CAMK2D: variants seen among roughly 807,000 people sequenced by gnomAD.
CAMK2D encodes calcium/calmodulin dependent protein kinase II delta.
A neutral mutation model predicts 84.0 loss-of-function variants in CAMK2D; 37 were observed. The ratio of observed to expected loss-of-function variants is 0.44; its 90% CI spans 0.34 to 0.58. CAMK2D has a LOEUF of 0.58. Among genes scored for constraint, CAMK2D ranks in the 20% least tolerant of loss-of-function variants. The pLI is 0.02. For missense variants in CAMK2D, 448 were observed against 652.5 expected (o/e 0.69, Z 3.41); for synonymous variants, 202 against 212.5 (o/e 0.95, Z 0.43).
At chr4:113,540,593 T>C (rs937179712) in intron 6 of CAMK2D, among the ~76,000 whole-genome samples, 1 of 152,308 alleles carries the variant, frequency 6.6e-6, no homozygotes, top group South Asian at 2.1e-4. Flanking sequence ...AATTAGTTCC[T>C]TAATCTCTCA....
chr4:113,592,536 T>C (rs1179611839), intron 4 of CAMK2D, among the ~76,000 whole-genome samples: 6 of 152,180 alleles, frequency 3.9e-5, no homozygotes, highest in Non-Finnish European at 5.9e-5. Flanking sequence ...TTTGAGAAAA[T>C]TGTGCTTTCA....
At chr4:113,686,163 T>A (rs1285639863) in intron 2 of CAMK2D, among the ~76,000 whole-genome samples, 6 of 152,168 alleles carry the variant, frequency 3.9e-5, no homozygotes, top group Non-Finnish European at 8.8e-5. Flanking sequence ...TATTAAAACT[T>A]AATTTTTATC....
Position 113,519,535 on chromosome 4 carries a change from T to C in CAMK2D, c.602-1878A>G, listed in dbSNP as rs114652092. ...CCCAAAGACTTAAAAAAAAAACATA[T>C]TATAGGTGCTATTGACTAGCCTGAT... On this transcript the variant is annotated intron_variant, in intron 8 of 20. Transcript: ENST00000511664. Among the ~76,000 whole-genome samples, 784 of 151,934 alleles carry C rather than the reference T, an allele frequency of 5.2e-3. 7 individuals are homozygous for C. Among genetic ancestry groups the C allele is most frequent in the African/African-American group, 0.018 (732 of 41,458 alleles).
chr4:113,536,555 G>A (rs965194266), intron 7 of CAMK2D, among the ~76,000 whole-genome samples: 10 of 152,140 alleles, frequency 6.6e-5, no homozygotes, highest in Non-Finnish European at 1.3e-4. Flanking sequence ...TCAACACACC[G>A]AAAGTCAGAA....
At chr4:113,583,915 G>C (rs2098822431) in intron 4 of CAMK2D, among the ~76,000 whole-genome samples, 1 of 152,140 alleles carries the variant, frequency 6.6e-6, no homozygotes, top group Admixed American at 6.6e-5. Flanking sequence ...TGAAATGCCT[G>C]AGTGAAGGCC....
intron 8 of CAMK2D, among the ~76,000 whole-genome samples, chr4:113,517,942 G>GC (rs2098307397): frequency 1.3e-5 from 2 of 152,044 alleles, no homozygotes; most frequent in African/African-American, 2.4e-5. Context: ...ACATTCTTTG[G>GC]CCCCCCTGAA....
intron 18 of CAMK2D, 91 bp downstream of exon 18, chr4:113,460,055 CT>C: frequency 6.6e-6 from 5 of 762,980 alleles, no homozygotes; most frequent in Non-Finnish European, 1.2e-5. Flanking sequence ...GGTAAAAACT[CT>C]CATTGTAGAA....
chr4:113,579,310 T>A (rs1259315463), intron 4 of CAMK2D, among the ~76,000 whole-genome samples: 1 of 152,200 alleles, frequency 6.6e-6, no homozygotes, highest in African/African-American at 2.4e-5. Context: ...AACATGATGC[T>A]CTTCCTTTTA....
At chr4:113,522,651 G>C (rs1385837757) in intron 8 of CAMK2D, among the ~76,000 whole-genome samples, 1 of 152,086 alleles carries the variant, frequency 6.6e-6, no homozygotes, top group Admixed American at 6.6e-5. Context: ...TCACCAGGGC[G>C]GCAGCTGTGT....
intron 4 of CAMK2D, among the ~76,000 whole-genome samples, chr4:113,565,965 TAAC>T (rs528068460): frequency 2.6e-5 from 4 of 152,336 alleles, no homozygotes; most frequent in South Asian, 2.1e-4. Context: ...TATTCTAAAA[TAAC>T]AATCAGAATT....
At chr4:113,590,811 C>G (rs2098872036) in intron 4 of CAMK2D, among the ~76,000 whole-genome samples, 1 of 151,964 alleles carries the variant, frequency 6.6e-6, no homozygotes, top group Admixed American at 6.6e-5. Flanking sequence ...AGATCTTTGC[C>G]CTCACTACCT....
chr4:113,699,212 G>A (rs982683572), intron 2 of CAMK2D, among the ~76,000 whole-genome samples: 1 of 152,012 alleles, frequency 6.6e-6, no homozygotes, highest in Non-Finnish European at 1.5e-5. Context: ...ATCTCTCATA[G>A]GCCATGGAAT....
intron 16 of CAMK2D, among the ~76,000 whole-genome samples, chr4:113,473,444 A>G (rs1467100001): frequency 6.6e-6 from 1 of 152,172 alleles, no homozygotes; most frequent in Admixed American, 6.6e-5. Flanking sequence ...AATTTTCATA[A>G]TTTTGGCTTT....
intron 2 of CAMK2D, among the ~76,000 whole-genome samples, chr4:113,711,696 G>A (rs2099493143): frequency 6.6e-6 from 1 of 152,062 alleles, no homozygotes; most frequent in South Asian, 2.1e-4. Flanking sequence ...ACAGTGAAAT[G>A]GACCCTACAT....
chr4:113,648,952 T>G (rs2099162144), intron 3 of CAMK2D, among the ~76,000 whole-genome samples: 1 of 152,192 alleles, frequency 6.6e-6, no homozygotes. Context: ...TCAGTGAAAT[T>G]TCTAATTTCT....
intron 4 of CAMK2D, among the ~76,000 whole-genome samples, chr4:113,572,423 G>A (rs1447343312): frequency 1.3e-5 from 2 of 151,534 alleles, no homozygotes; most frequent in Non-Finnish European, 1.5e-5. Flanking sequence ...ATTTTAATTT[G>A]GTACACTGGA....
chr4:113,628,352 G>T (rs1397828444), intron 3 of CAMK2D, among the ~76,000 whole-genome samples: 1 of 152,028 alleles, frequency 6.6e-6, no homozygotes, highest in African/African-American at 2.4e-5. Context: ...AATAGAAAAG[G>T]AATAAGAAAT....
intron 9 of CAMK2D, among the ~76,000 whole-genome samples, chr4:113,516,992 ATATC>A (rs1288781792): frequency 3.3e-5 from 5 of 152,054 alleles, no homozygotes; most frequent in East Asian, 1.9e-4. Flanking sequence ...GTATATATAT[ATATC>A]TACTTTCAAA....
intron 16 of CAMK2D, among the ~76,000 whole-genome samples, chr4:113,491,307 A>G (rs1349621250): frequency 4.7e-4 from 43 of 91,374 alleles, no homozygotes; most frequent in South Asian, 8.5e-4. Context: ...ATTATTTTGA[A>G]ATACGTCCCA....
Sources: allele counts gnomAD v4.1 joint callset (sites outside exome capture counted in the v4.1 genomes callset), GRCh38; gene constraint gnomAD v4.1.1; transcripts MANE v1.5; gene names NCBI Gene and HGNC (gene_info 2026-07-23, HGNC 2026-07-21).